The following LYPD6 variants were observed in gnomAD, a reference collection of about 807,000 sequenced individuals.
The protein encoded by LYPD6 is ly6/PLAUR domain-containing protein 6.
LYPD6 carries 15 observed loss-of-function variants against 22.7 expected under a neutral mutation model. The observed-to-expected ratio is 0.66, with a 90% CI of 0.44 to 1.02. LYPD6 has a LOEUF of 1.02. LYPD6 is among the 50% of genes least tolerant of loss of function. The probability of loss-of-function intolerance (pLI) is 0.00; values close to 1 mark genes in which losing one functional copy is unlikely to be tolerated. For missense variants in LYPD6, 189 were observed against 208.4 expected (o/e 0.91, Z 0.57); for synonymous variants, 72 against 77.5 (o/e 0.93, Z 0.37).
intron 1 of LYPD6, among the ~76,000 whole-genome samples, chr2:149,417,737 C>T (rs1682995601): frequency 6.6e-6 from 1 of 151,940 alleles, no homozygotes; most frequent in Non-Finnish European, 1.5e-5. Flanking sequence ...TAAGTGAATC[C>T]CAATATTAAT....
intron 1 of LYPD6, among the ~76,000 whole-genome samples, chr2:149,347,596 T>C (rs1027770842): frequency 6.6e-6 from 1 of 152,174 alleles, no homozygotes; most frequent in Admixed American, 6.5e-5. Flanking sequence ...TGAAATTTTA[T>C]TTGCTGTAAT....
At chr2:149,480,620 T>C in the LYPD6 span, among the ~76,000 whole-genome samples, 3 of 152,144 alleles carry the variant, frequency 2.0e-5, no homozygotes, top group Admixed American at 6.5e-5. Context: ...TCCTTCTAGC[T>C]CTAAGTTCCA....
At position 149,408,030 on chromosome 2, in the gene LYPD6, G is replaced by C. The variant is rs149153668; in HGVS notation, c.-71-29608G>C. On this transcript the variant is annotated intron_variant, in intron 1 of 4. Coordinates refer to ENST00000334166, the MANE Select transcript of LYPD6 (RefSeq NM_194317.5). ...CCCTGTTTGCCTGGGTATCAGCAGC[G>C]GTGTTTGCAAAACCGCGGATTTTCG... is the stretch of plus-strand genomic sequence containing the variant. Among the ~76,000 whole-genome samples the C allele has an allele frequency of 7.7e-3, 1,167 of 152,214 alleles. 15 individuals are homozygous for C. Among genetic ancestry groups the C allele is most frequent in the African/African-American group, 0.026 (1,085 of 41,538 alleles).
intron 1 of LYPD6, among the ~76,000 whole-genome samples, chr2:149,400,199 G>A (rs144628370): frequency 6.6e-6 from 1 of 152,340 alleles, no homozygotes; most frequent in Admixed American, 6.5e-5. Flanking sequence ...GCAGTAGTGT[G>A]TCCACTGTCT....
At chr2:149,366,679 T>G (rs1344629662) in intron 1 of LYPD6, among the ~76,000 whole-genome samples, 3 of 152,238 alleles carry the variant, frequency 2.0e-5, no homozygotes, top group African/African-American at 7.2e-5. Flanking sequence ...AATTTTTTTA[T>G]TGAAGTCAAG....
intron 1 of LYPD6, among the ~76,000 whole-genome samples, chr2:149,382,510 T>C (rs1034364787): frequency 6.6e-6 from 1 of 152,186 alleles, no homozygotes; most frequent in South Asian, 2.1e-4. Flanking sequence ...TTTGCTCATT[T>C]CTTTCCACCT....
chr2:149,439,569 G>A (rs1168834679), intron 2 of LYPD6, among the ~76,000 whole-genome samples: 2 of 152,176 alleles, frequency 1.3e-5, no homozygotes, highest in South Asian at 2.1e-4. Context: ...CTACACGGAG[G>A]CTGTGATTGT....
At chr2:149,396,016 T>C (rs1382519551) in intron 1 of LYPD6, among the ~76,000 whole-genome samples, 4 of 152,228 alleles carry the variant, frequency 2.6e-5, no homozygotes, top group Admixed American at 2.6e-4. Flanking sequence ...CATAATGTTT[T>C]ATTTAGAATT....
At chr2:149,335,622 A>G (rs1235609417) in intron 1 of LYPD6, among the ~76,000 whole-genome samples, 42 of 152,186 alleles carry the variant, frequency 2.8e-4, no homozygotes, top group Non-Finnish European at 6.2e-4. Context: ...GTCTACAGTA[A>G]CGTCCTCAGC....
At chr2:149,351,346 A>G (rs1463597123) in intron 1 of LYPD6, among the ~76,000 whole-genome samples, 1 of 147,554 alleles carries the variant, frequency 6.8e-6, no homozygotes, top group African/African-American at 2.5e-5. Context: ...TTGAGCTGAG[A>G]TCATGCCACT....
chr2:149,415,298 T>C (rs927935706), intron 1 of LYPD6, among the ~76,000 whole-genome samples: 1 of 152,190 alleles, frequency 6.6e-6, no homozygotes, highest in Non-Finnish European at 1.5e-5. Context: ...TTAGACTGGC[T>C]GCCAAACCTC....
chr2:149,361,209 A>C (rs566002135), intron 1 of LYPD6, among the ~76,000 whole-genome samples: 1 of 152,336 alleles, frequency 6.6e-6, no homozygotes, highest in Non-Finnish European at 1.5e-5. Flanking sequence ...TATGGGAGGT[A>C]ACCAGGAAAA....
At chr2:149,361,965 G>A (rs1454366495) in intron 1 of LYPD6, among the ~76,000 whole-genome samples, 2 of 152,164 alleles carry the variant, frequency 1.3e-5, no homozygotes, top group South Asian at 4.1e-4. Context: ...AGGTTGCAAT[G>A]ATGTGCTTTG....
intron 3 of LYPD6, among the ~76,000 whole-genome samples, chr2:149,460,075 A>G (rs1357463437): frequency 6.6e-6 from 1 of 152,190 alleles, no homozygotes; most frequent in Non-Finnish European, 1.5e-5. Context: ...ACTCAAAAGC[A>G]CTGTAGATAA....
chr2:149,350,584 T>C (rs1388887425), intron 1 of LYPD6, among the ~76,000 whole-genome samples: 1 of 152,180 alleles, frequency 6.6e-6, no homozygotes, highest in Non-Finnish European at 1.5e-5. Context: ...TCCAGTAGAA[T>C]TTTCTATCCT....
intron 1 of LYPD6, among the ~76,000 whole-genome samples, chr2:149,374,773 G>T (rs547701514): frequency 9.2e-5 from 14 of 152,246 alleles, no homozygotes; most frequent in African/African-American, 3.4e-4. Context: ...ACTATACATG[G>T]TTAATATTTT....
rs1300835959 is a variant in LYPD6, at chr2:149,437,675, C to T, written c.-34C>T. On this transcript the variant is annotated 5_prime_UTR_variant, in exon 2 of 5. Transcript: ENST00000334166. ...TCCTGTTGCCCTGAGTGCCCACTCCCAGGCCCTCTGTATGAGTGACACTTC... is the reference window on the plus strand; with the variant it reads ...TCCTGTTGCCCTGAGTGCCCACTCCTAGGCCCTCTGTATGAGTGACACTTC... 3 of 1,612,628 alleles carry T rather than the reference C, an allele frequency of 1.9e-6. No homozygotes were observed. Among genetic ancestry groups the T allele is most frequent in the African/African-American group, 2.7e-5 (2 of 74,896 alleles).
intron 1 of LYPD6, among the ~76,000 whole-genome samples, chr2:149,419,251 C>A (rs1332010918): frequency 6.6e-6 from 1 of 152,244 alleles, no homozygotes; most frequent in East Asian, 1.9e-4. Flanking sequence ...AATGATCAGG[C>A]CCAGAATATC....
At chr2:149,343,590 A>G (rs1212824370) in intron 1 of LYPD6, among the ~76,000 whole-genome samples, 1 of 152,220 alleles carries the variant, frequency 6.6e-6, no homozygotes, top group Non-Finnish European at 1.5e-5. Flanking sequence ...TCCAGTAGGC[A>G]AGTGAAAGCT....
Sources: gnomAD v4.1 joint callset for allele counts (sites outside exome capture counted in the v4.1 genomes callset) on GRCh38, gnomAD v4.1.1 for gene constraint, MANE v1.5 for transcripts, NCBI Gene and HGNC (gene_info 2026-07-23, HGNC 2026-07-21) for gene names.